Variants in ZNF804A observed in about 807,000 individuals in gnomAD.
ZNF804A encodes zinc finger protein 804A.
A neutral mutation model predicts 16.5 loss-of-function variants in ZNF804A; 2 were observed. The observed-to-expected ratio is 0.12, with a 90% CI of 0.05 to 0.38. The LOEUF is 0.38. ZNF804A is among the 10% of genes least tolerant of loss of function. The pLI, the probability that ZNF804A is intolerant of heterozygous loss-of-function variation, is 0.99. For synonymous variants in ZNF804A, 534 were observed against 489.6 expected (o/e 1.09, Z -1.20); for missense variants, 1,473 against 1,390.7 (o/e 1.06, Z -0.94).
In ZNF804A at chr2:184,713,135, C is replaced by CGG. The variant is rs571653784; in HGVS notation, c.111+114065_111+114066insGG. Among the ~76,000 whole-genome samples the CGG allele has an allele frequency of 2.3e-3, 351 of 151,852 alleles. 1 individual carries two copies. Among genetic ancestry groups the CGG allele is most frequent in the African/African-American group, 7.8e-3 (324 of 41,476 alleles). On this transcript the variant is annotated intron_variant, in intron 1 of 3. Transcript: ENST00000302277. ...TATATTTGAAGAAATAGCCACCTCTCCCAGTCTTTACAGACTGGCTTCAAT... is the reference window on the plus strand; with the variant it reads ...TATATTTGAAGAAATAGCCACCTCTCGGCCAGTCTTTACAGACTGGCTTCAAT...
At chr2:184,819,867 G>A (rs2105790475) in intron 1 of ZNF804A, among the ~76,000 whole-genome samples, 1 of 152,088 alleles carries the variant, frequency 6.6e-6, no homozygotes, top group African/African-American at 2.4e-5. Flanking sequence ...GAATGAATCA[G>A]GGAGAAATTG....
At chr2:184,685,296 A>G (rs1429636751) in intron 1 of ZNF804A, among the ~76,000 whole-genome samples, 1 of 152,066 alleles carries the variant, frequency 6.6e-6, no homozygotes, top group African/African-American at 2.4e-5. Context: ...AGATGCCAGG[A>G]ACTGCAGAGC....
intron 2 of ZNF804A, among the ~76,000 whole-genome samples, chr2:184,898,602 A>G (rs912079617): frequency 1.3e-5 from 2 of 152,064 alleles, no homozygotes; most frequent in Non-Finnish European, 2.9e-5. Context: ...CTGAAGAAGA[A>G]TTTGGAAAAA....
intron 1 of ZNF804A, among the ~76,000 whole-genome samples, chr2:184,858,882 G>C (rs1202018414): frequency 2.0e-5 from 3 of 152,030 alleles, no homozygotes; most frequent in African/African-American, 7.2e-5. Context: ...TGTTTGTCTG[G>C]GAAAGTCTAA....
At chr2:184,719,918 T>G (rs919219509) in intron 1 of ZNF804A, among the ~76,000 whole-genome samples, 1 of 152,188 alleles carries the variant, frequency 6.6e-6, no homozygotes, top group African/African-American at 2.4e-5. Flanking sequence ...TTTTCAGCAG[T>G]GCCCCACTCT....
chr2:184,878,896 T>A (rs1684762586), intron 2 of ZNF804A, among the ~76,000 whole-genome samples: 2 of 152,016 alleles, frequency 1.3e-5, no homozygotes, highest in South Asian at 4.1e-4. Context: ...TCAAATTATA[T>A]CAAATTTGAT....
intron 1 of ZNF804A, among the ~76,000 whole-genome samples, chr2:184,619,761 A>C (rs1691387978): frequency 6.6e-6 from 1 of 151,888 alleles, no homozygotes; most frequent in South Asian, 2.1e-4. Context: ...AACCACAATA[A>C]ATTATCGTTA....
Position 184,869,496 on chromosome 2 carries a change from G to A in ZNF804A, c.255+2984G>A, listed in dbSNP as rs182547543. ...ATGACTTTGGGTTAAATAATCAAAC[G>A]CCCAATGAGCTCAACTGTCTATTAT... On this transcript the variant is annotated intron_variant, in intron 2 of 3. Transcript: ENST00000302277. Among the ~76,000 whole-genome samples the A allele has an allele frequency of 4.6e-5, 7 of 152,004 alleles. No homozygotes were observed. In the South Asian group the frequency reaches 6.2e-4, roughly 14 times the overall value.
chr2:184,702,548 G>T lies in ZNF804A; in HGVS notation c.111+103478G>T, dbSNP rs528394431. Among the ~76,000 whole-genome samples the T allele has an allele frequency of 3.9e-5, 6 of 151,916 alleles. No individual in the cohort carries two copies. The South Asian group carries it at 1.2e-3, about 32-fold the overall frequency. ...CTCCCTTCTTTACTTCTATATTTATGATATCATCCTGATAAAGAGTTCACT... is the reference window on the plus strand; with the variant it reads ...CTCCCTTCTTTACTTCTATATTTATTATATCATCCTGATAAAGAGTTCACT... On this transcript the variant is annotated intron_variant, in intron 1 of 3. Transcript: ENST00000302277.
At chr2:184,687,405 T>C (rs1692654203) in intron 1 of ZNF804A, among the ~76,000 whole-genome samples, 2 of 152,208 alleles carry the variant, frequency 1.3e-5, no homozygotes, top group Non-Finnish European at 2.9e-5. Context: ...TGTGATCAGT[T>C]TAAAAGATTT....
intron 1 of ZNF804A, among the ~76,000 whole-genome samples, chr2:184,731,995 T>C (rs917186481): frequency 6.6e-6 from 1 of 152,176 alleles, no homozygotes; most frequent in Non-Finnish European, 1.5e-5. Context: ...TTTCCTAGTC[T>C]TTGAATTGTA....
chr2:184,716,573 A>G (rs910298087), intron 1 of ZNF804A, among the ~76,000 whole-genome samples: 5 of 152,168 alleles, frequency 3.3e-5, no homozygotes, highest in Non-Finnish European at 5.9e-5. Context: ...GGGATCTAAA[A>G]TAAAAGACAG....
chr2:184,836,987 T>C (rs1431836087), intron 1 of ZNF804A, among the ~76,000 whole-genome samples: 1 of 151,998 alleles, frequency 6.6e-6, no homozygotes, highest in Non-Finnish European at 1.5e-5. Context: ...ATGGTGTGTC[T>C]TCTTGCTGGA....
chr2:184,845,917 C>A (rs1695505639), intron 1 of ZNF804A, among the ~76,000 whole-genome samples: 1 of 152,114 alleles, frequency 6.6e-6, no homozygotes, highest in South Asian at 2.1e-4. Flanking sequence ...ACTCCAGCAG[C>A]TTCTGCTCCA....
At chr2:184,660,599 A>C (rs993550227) in intron 1 of ZNF804A, among the ~76,000 whole-genome samples, 3 of 152,236 alleles carry the variant, frequency 2.0e-5, no homozygotes, top group African/African-American at 7.2e-5. Context: ...ATCATTTATT[A>C]ATCTCTCATA....
chr2:184,660,435 A>G (rs1692154146), intron 1 of ZNF804A, among the ~76,000 whole-genome samples: 1 of 152,218 alleles, frequency 6.6e-6, no homozygotes, highest in Non-Finnish European at 1.5e-5. Flanking sequence ...AAGCTTGTCA[A>G]TAAATTATTT....
At chr2:184,900,985 A>G (rs1332287962) in intron 2 of ZNF804A, among the ~76,000 whole-genome samples, 1 of 152,080 alleles carries the variant, frequency 6.6e-6, no homozygotes. Context: ...GTTCTTGTAG[A>G]GATTATTTAT....
At chr2:184,719,416 C>A (rs975180922) in intron 1 of ZNF804A, among the ~76,000 whole-genome samples, 1 of 152,174 alleles carries the variant, frequency 6.6e-6, no homozygotes, top group Non-Finnish European at 1.5e-5. Context: ...ATGCAAATTT[C>A]TGCAGCTGGC....
chr2:184,670,683 T>C (rs1241749456), intron 1 of ZNF804A, among the ~76,000 whole-genome samples: 1 of 152,182 alleles, frequency 6.6e-6, no homozygotes. Flanking sequence ...TATATTTTTC[T>C]TTATCTCTTT....
Sources: allele counts gnomAD v4.1 joint callset (sites outside exome capture counted in the v4.1 genomes callset), GRCh38; gene constraint gnomAD v4.1.1; transcripts MANE v1.5; gene names NCBI Gene and HGNC (gene_info 2026-07-23, HGNC 2026-07-21).